Variants in ABCB7 observed in about 807,000 individuals in gnomAD.
The protein encoded by ABCB7 is ATP binding cassette subfamily B member 7.
ABCB7 carries 7 observed loss-of-function variants against 54.4 expected under a neutral mutation model. That is an observed-to-expected ratio of 0.13 (90% CI 0.07 to 0.24). ABCB7 has a LOEUF of 0.24. Ranked by LOEUF, ABCB7 falls within the 10% of genes least tolerant of loss-of-function variation. The pLI is 1.00. For missense variants in ABCB7, 356 were observed against 570.4 expected (o/e 0.62, Z 3.83); for synonymous variants, 218 against 207.1 (o/e 1.05, Z -0.45).
rs2081345808 is a variant in ABCB7, at chrX:75,069,440, T to G, written c.1380A>C (p.Ala460=). The G allele has an allele frequency of 8.3e-7, 1 of 1,209,836 alleles. No homozygotes were observed. The highest frequency in any genetic ancestry group is 1.1e-6 in the Non-Finnish European group (1 of 894,736). The part of the protein sequence containing the change: ...VDTQIKDKVM[A]SPLQITPQTA... Reference sequence around the variant, plus strand: ...TCTGTGGTGTGATCTGAAGGGGAGATGCCATCACTTTGTCCTAGCAGGGAA... The same window carrying G: ...TCTGTGGTGTGATCTGAAGGGGAGAGGCCATCACTTTGTCCTAGCAGGGAA... The change falls in exon 11 of 16, where the codon GCA becomes GCC. Residue 460 remains alanine (A), a synonymous_variant. Transcript: ENST00000373394.
At chrX:75,108,185 A>T (rs2081722164) in intron 3 of ABCB7, among the ~76,000 whole-genome samples, 1 of 111,247 alleles carries the variant, frequency 9.0e-6, no homozygotes, top group Non-Finnish European at 1.9e-5. Flanking sequence ...TCAGTATAAC[A>T]GAACACCTGG....
chrX:75,057,976 C>A (rs1456631361), intron 15 of ABCB7, among the ~76,000 whole-genome samples: 1 of 110,501 alleles, frequency 9.0e-6, no homozygotes, highest in African/African-American at 3.3e-5. Flanking sequence ...TGGTGGTCTG[C>A]TTGTGTCCAA....
rs955747991 is a variant in ABCB7 at position 75,117,094 on chromosome X, A to G, written c.169-2263T>C. Reference sequence around the variant, plus strand: ...AGAATAGCCATTCTTTTATTCCTTTACTTTCTTAATAAACTTGCTTTCCCT... The same window carrying G: ...AGAATAGCCATTCTTTTATTCCTTTGCTTTCTTAATAAACTTGCTTTCCCT... On this transcript the variant is annotated intron_variant, in intron 1 of 15. Coordinates refer to ENST00000373394, the MANE Select transcript of ABCB7 (RefSeq NM_001271696.3). Among the ~76,000 whole-genome samples the G allele has an allele frequency of 4.5e-5, 5 of 111,410 alleles. No homozygotes were observed. The East Asian group carries it at 1.4e-3, about 32-fold the overall frequency.
At chrX:75,137,588 G>A (rs963534683) in intron 1 of ABCB7, among the ~76,000 whole-genome samples, 23 of 112,065 alleles carry the variant, frequency 2.1e-4, no homozygotes, top group African/African-American at 6.8e-4. Context: ...GCATATGTTT[G>A]TGGCAGCACT....
intron 8 of ABCB7, among the ~76,000 whole-genome samples, chrX:75,072,109 AC>A (rs1341475288): frequency 3.6e-5 from 4 of 110,992 alleles, no homozygotes; most frequent in Non-Finnish European, 7.6e-5. Context: ...TTTTTTTACC[AC>A]CCTCCCCTGT....
chrX:75,088,487 G>A (rs2081517481), intron 4 of ABCB7, among the ~76,000 whole-genome samples: 1 of 111,734 alleles, frequency 8.9e-6, no homozygotes, highest in South Asian at 3.6e-4. Flanking sequence ...GGTTGTACAA[G>A]AAATCAAAAA....
chrX:75,115,266 C>CAAAAAAAAAAAAAAAAAAAAAA (rs1160024642), intron 1 of ABCB7, among the ~76,000 whole-genome samples: 1 of 13,251 alleles, frequency 7.5e-5, no homozygotes, highest in African/African-American at 3.2e-4. Flanking sequence ...GACTCTGTCT[C>CAAAAAAAAAAAAAAAAAAAAAA]AAAAAAAAAA....
At chrX:75,149,081 G>A (rs140787499) in intron 1 of ABCB7, among the ~76,000 whole-genome samples, 1,969 of 111,387 alleles carry the variant, frequency 0.018, 47 homozygotes, top group African/African-American at 0.061. Context: ...TTGAAAAGCA[G>A]AAGTTTAAAA....
intron 12 of ABCB7, among the ~76,000 whole-genome samples, chrX:75,066,700 T>C (rs1338054727): frequency 9.0e-6 from 1 of 111,366 alleles, no homozygotes; most frequent in Admixed American, 9.7e-5. Flanking sequence ...AAATAATCCA[T>C]ATTCCCATCA....
At chrX:75,134,295 C>G (rs2081994558) in intron 1 of ABCB7, among the ~76,000 whole-genome samples, 1 of 111,744 alleles carries the variant, frequency 8.9e-6, no homozygotes, top group South Asian at 3.7e-4. Context: ...AATATATATG[C>G]ACCTGACACT....
At chrX:75,078,183 AT>A (rs2081426706) in intron 4 of ABCB7, among the ~76,000 whole-genome samples, 1 of 110,203 alleles carries the variant, frequency 9.1e-6, no homozygotes, top group Non-Finnish European at 1.9e-5. Flanking sequence ...AAGTGCTGAG[AT>A]TACAGGTCTT....
intron 1 of ABCB7, among the ~76,000 whole-genome samples, chrX:75,133,406 G>C (rs769188216): frequency 3.9e-4 from 44 of 112,004 alleles, no homozygotes; most frequent in African/African-American, 1.4e-3. Flanking sequence ...ATATATTTGA[G>C]GATACTGTAT....
chrX:75,094,255 G>A (rs899036834), intron 4 of ABCB7, among the ~76,000 whole-genome samples: 2 of 109,381 alleles, frequency 1.8e-5, no homozygotes, highest in African/African-American at 6.7e-5. Context: ...TTTTTCTGTC[G>A]ACTAAGTGGT....
chrX:75,149,072 T>C (rs2082113080), intron 1 of ABCB7, among the ~76,000 whole-genome samples: 1 of 111,597 alleles, frequency 9.0e-6, no homozygotes, highest in South Asian at 3.7e-4. Flanking sequence ...TAATATGCTT[T>C]GAAAAGCAGA....
At chrX:75,056,171 T>G (rs1318738161) in intron 15 of ABCB7, among the ~76,000 whole-genome samples, 1 of 112,007 alleles carries the variant, frequency 8.9e-6, no homozygotes, top group African/African-American at 3.2e-5. Context: ...AAGTAACCTA[T>G]GGTAATTTCA....
At chrX:75,111,616 G>A (rs1456383944) in intron 3 of ABCB7, among the ~76,000 whole-genome samples, 1 of 112,208 alleles carries the variant, frequency 8.9e-6, no homozygotes, top group African/African-American at 3.2e-5. Flanking sequence ...TTCTGACATG[G>A]TCTCCAATCT....
At chrX:75,106,509 G>A (rs2081703418) in intron 3 of ABCB7, among the ~76,000 whole-genome samples, 1 of 111,974 alleles carries the variant, frequency 8.9e-6, no homozygotes, top group African/African-American at 3.2e-5. Context: ...TGTTGGTGAG[G>A]AGGTAGAGAA....
At chrX:75,076,369 G>A (rs1290383330) in intron 5 of ABCB7, among the ~76,000 whole-genome samples, 153 bp downstream of exon 5, 2 of 112,364 alleles carry the variant, frequency 1.8e-5, no homozygotes, top group East Asian at 5.5e-4. Flanking sequence ...ATACAGAATA[G>A]TTTTTAAAAA....
intron 13 of ABCB7, 28 bp downstream of exon 13, chrX:75,065,042 A>C: frequency 3.3e-6 from 4 of 1,206,668 alleles, no homozygotes; most frequent in Non-Finnish European, 3.4e-6. Context: ...GTATACAAGA[A>C]GGGGGCAGGT....
Sources: gnomAD v4.1 joint callset for allele counts (sites outside exome capture counted in the v4.1 genomes callset) on GRCh38, gnomAD v4.1.1 for gene constraint, MANE v1.5 for transcripts, NCBI Gene and HGNC (gene_info 2026-07-23, HGNC 2026-07-21) for gene names.